Variants in HNRNPM observed in about 807,000 individuals in gnomAD.
HNRNPM encodes CEA receptor.
HNRNPM carries 11 observed loss-of-function variants against 73.1 expected under a neutral mutation model. The observed-to-expected ratio is 0.15, with a 90% confidence interval of 0.09 to 0.25. The LOEUF is 0.25. Ranked by LOEUF, HNRNPM falls within the 10% of genes least tolerant of loss-of-function variation. The pLI is 1.00. For synonymous variants in HNRNPM, 407 were observed against 355.2 expected, an observed-to-expected ratio of 1.15 and a Z score of -1.64; for missense variants, 789 against 1,067.9, an observed-to-expected ratio of 0.74 and a Z score of 3.64.
At chr19:8,446,670 T>G (rs1968210589) in intron 1 of HNRNPM, among the ~76,000 whole-genome samples, 1 of 152,174 alleles carries the variant, frequency 6.6e-6, no homozygotes, top group African/African-American at 2.4e-5. Flanking sequence ...TCCAAAGTGC[T>G]GAAGTTACAG....
Position 8,466,318 on chromosome 19 carries a change from T to G in HNRNPM, c.714T>G (p.Asp238Glu), listed in dbSNP as rs185289378. 1 of 1,614,108 alleles carries G rather than the reference T, an allele frequency of 6.2e-7. No individual in the cohort carries two copies. The highest frequency in any genetic ancestry group is 8.5e-7 in the Non-Finnish European group (1 of 1,179,998). ...GVVVRADILEDKDGKSRGIGT... is the reference protein window; with the variant it reads ...GVVVRADILEEKDGKSRGIGT... ...TGGTCCGAGCAGACATTCTTGAAGA[T>G]AAAGATGGAAAAAGTCGTGGAATAG... Residue 238 changes from aspartate to glutamate, a missense_variant, in exon 7 of 16, where the codon GAT becomes GAG. Physicochemically the swap from Asp to Glu is conservative, Grantham distance 45. Coordinates refer to ENST00000325495, the MANE Select transcript of HNRNPM (RefSeq NM_005968.5).
intron 2 of HNRNPM, 65 bp downstream of exon 2, chr19:8,455,639 C>G: frequency 7.1e-7 from 1 of 1,412,688 alleles, no homozygotes; most frequent in Middle Eastern, 2.5e-4. Flanking sequence ...TGGCTAATTC[C>G]TTGGTTATTT....
At chr19:8,466,145 C>T in intron 6 of HNRNPM, 90 bp from the exon 7 acceptor site, 1 of 1,287,730 alleles carries the variant, frequency 7.8e-7, no homozygotes, top group Non-Finnish European at 1.1e-6. Context: ...TACTTTTTTC[C>T]AACCAAAGCA....
intron 12 of HNRNPM, among the ~76,000 whole-genome samples, chr19:8,477,731 C>G (rs1306909513): frequency 2.0e-5 from 3 of 150,914 alleles, no homozygotes; most frequent in African/African-American, 7.4e-5. Context: ...GACCCAAACC[C>G]CGTTATGTAG....
intron 10 of HNRNPM, among the ~76,000 whole-genome samples, chr19:8,473,102 TCAGC>T (rs1970266151): frequency 6.6e-6 from 1 of 151,912 alleles, no homozygotes; most frequent in East Asian, 1.9e-4. Context: ...ATAAAAAAAA[TCAGC>T]CAGGTGTGGT....
At chr19:8,456,615 C>T (rs956451428) in intron 2 of HNRNPM, among the ~76,000 whole-genome samples, 12 of 152,122 alleles carry the variant, frequency 7.9e-5, no homozygotes, top group Non-Finnish European at 7.4e-5. Flanking sequence ...AGAGATGCCC[C>T]GTGGATAGGC....
chr19:8,447,443 G>GAC (rs1391852694), intron 1 of HNRNPM, among the ~76,000 whole-genome samples: 1 of 152,134 alleles, frequency 6.6e-6, no homozygotes, highest in Non-Finnish European at 1.5e-5. Context: ...AGAAAGAATG[G>GAC]AGGAGGTGAC....
intron 1 of HNRNPM, among the ~76,000 whole-genome samples, chr19:8,454,949 G>A (rs1265046894): frequency 6.6e-6 from 1 of 152,050 alleles, no homozygotes; most frequent in Non-Finnish European, 1.5e-5. Flanking sequence ...GAGTTTGAAT[G>A]TCTTAATTCA....
chr19:8,453,837 C>G (rs1015936998), intron 1 of HNRNPM, among the ~76,000 whole-genome samples: 1 of 152,158 alleles, frequency 6.6e-6, no homozygotes, highest in Non-Finnish European at 1.5e-5. Flanking sequence ...CAGCCAGTGC[C>G]CGGGCTTCCA....
intron 15 of HNRNPM, 67 bp downstream of exon 15, chr19:8,487,142 G>A: frequency 7.5e-7 from 1 of 1,330,280 alleles, no homozygotes; most frequent in Non-Finnish European, 1.1e-6. Context: ...CGAGTCAGCA[G>A]CAAAACCTCC....
chr19:8,480,000 C>T (rs759132529), intron 12 of HNRNPM, among the ~76,000 whole-genome samples: 1 of 144,528 alleles, frequency 6.9e-6, no homozygotes, highest in African/African-American at 2.6e-5. Context: ...GTCTTGAACT[C>T]GGGACCTCGT....
chr19:8,458,549 A>C (rs1414457405), intron 2 of HNRNPM, among the ~76,000 whole-genome samples: 1 of 152,238 alleles, frequency 6.6e-6, no homozygotes, highest in Non-Finnish European at 1.5e-5. Context: ...CAGGTGGGGC[A>C]GTGCCACCAG....
At chr19:8,477,788 TAC>T (rs1251919659) in intron 12 of HNRNPM, among the ~76,000 whole-genome samples, 3 of 151,842 alleles carry the variant, frequency 2.0e-5, no homozygotes, top group African/African-American at 7.3e-5. Flanking sequence ...TGTGCAGACA[TAC>T]GTCTCGCCAT....
rs770139675 is a variant in HNRNPM at position 8,485,613 on chromosome 19, A to C, written c.1185A>C (p.Gly395=). The change falls in exon 14 of 16, where the codon GGA becomes GGC. Residue 395 remains glycine, a synonymous_variant. Coordinates refer to ENST00000325495, the MANE Select transcript of HNRNPM (RefSeq NM_005968.5). ...GTGTCCCTGTTTCAGGTGGAGGTGG[A>C]GGAAGCGTCCCTGGGATCGAGAGGA... ...IIAKQGGGGG[G]GSVPGIERMG... is the part of the protein sequence containing the mutation. 1.3e-6 allele frequency: 2 copies of C among 1,598,976 alleles called. No individual in the cohort carries two copies.
At chr19:8,454,512 TTG>T (rs1968853625) in intron 1 of HNRNPM, among the ~76,000 whole-genome samples, 1 of 152,196 alleles carries the variant, frequency 6.6e-6, no homozygotes, top group Admixed American at 6.5e-5. Flanking sequence ...ACCTTTTGGC[TTG>T]TGTGAGTAGT....
intron 15 of HNRNPM, chr19:8,487,845 C>G (rs1301206942): frequency 6.6e-6 from 1 of 152,392 alleles, no homozygotes; most frequent in Admixed American, 6.5e-5. Flanking sequence ...CTCCTGAGTT[C>G]CCATGTTGTA....
At chr19:8,487,638 C>G (rs886086065) in intron 15 of HNRNPM, 1 of 154,924 alleles carries the variant, frequency 6.5e-6, no homozygotes, top group African/African-American at 2.4e-5. Context: ...AGCCCCCACC[C>G]CGCATGCACC....
At chr19:8,449,316 C>T (rs1236339484) in intron 1 of HNRNPM, among the ~76,000 whole-genome samples, 1 of 152,038 alleles carries the variant, frequency 6.6e-6, no homozygotes, top group African/African-American at 2.4e-5. Context: ...AATGGACTTC[C>T]CCATTACCAT....
At chr19:8,486,934 A>T in intron 14 of HNRNPM, 90 bp from the exon 15 acceptor site, 1 of 989,598 alleles carries the variant, frequency 1.0e-6, no homozygotes, top group Non-Finnish European at 1.6e-6. Flanking sequence ...TATAGTGAGA[A>T]ATCTAGCATG....
Sources: allele counts gnomAD v4.1 joint callset (sites outside exome capture counted in the v4.1 genomes callset), GRCh38; gene constraint gnomAD v4.1.1; transcripts MANE v1.5; gene names NCBI Gene and HGNC (gene_info 2026-07-23, HGNC 2026-07-21).